Variants in TUSC3 observed in about 807,000 individuals in gnomAD.
TUSC3 encodes the protein dolichyl-diphosphooligosaccharide--protein glycosyltransferase subunit TUSC3.
TUSC3 carries 45 observed loss-of-function variants against 44.8 expected under a neutral mutation model. The observed-to-expected ratio is 1.00, with a 90% CI of 0.79 to 1.29. The LOEUF is 1.29. Among genes scored for constraint, TUSC3 ranks in the 50% most tolerant of loss-of-function variants. The pLI is 0.00. For missense variants in TUSC3, 519 were observed against 437.9 expected (o/e 1.19, Z -1.65); for synonymous variants, 212 against 152.9 (o/e 1.39, Z -2.85).
At chr8:15,698,795 C>T in intron 6 of TUSC3, among the ~76,000 whole-genome samples, 1 of 151,370 alleles carries the variant, frequency 6.6e-6, no homozygotes, top group East Asian at 1.9e-4. Flanking sequence ...CTCCAGTTTG[C>T]TTATCAATAA....
At chr8:15,427,075 G>GTTTTTTTTTTTTTTTTT (rs367932724) in intron 1 of TUSC3, among the ~76,000 whole-genome samples, 1 of 145,958 alleles carries the variant, frequency 6.9e-6, no homozygotes. Context: ...GTTGTTTGGT[G>GTTTTTTTTTTTTTTTTT]TTTGTTTTTT....
intron 5 of TUSC3, among the ~76,000 whole-genome samples, chr8:15,666,945 A>C (rs995087765): frequency 6.6e-6 from 1 of 151,468 alleles, no homozygotes; most frequent in Non-Finnish European, 1.5e-5. Flanking sequence ...AATTTTCTGT[A>C]GTAGGAGTAA....
Position 15,659,820 on chromosome 8 carries a change from T to C in TUSC3, c.567+173T>C, listed in dbSNP as rs148592138. On this transcript the variant is annotated intron_variant, in intron 4 of 10. Transcript: ENST00000503731. ...AGTTGGACTATTAGCTGAATTCAGA[T>C]GCTTTTTAAAATAGTGGTTCACTGA... is the stretch of plus-strand genomic sequence containing the variant. Among the ~76,000 whole-genome samples the C allele has an allele frequency of 3.8e-4, 58 of 152,274 alleles. No individual in the cohort carries two copies. The East Asian group carries it at 0.011, about 28-fold the overall frequency.
At chr8:15,441,088 A>G (rs1186888727) in intron 1 of TUSC3, among the ~76,000 whole-genome samples, 1 of 152,228 alleles carries the variant, frequency 6.6e-6, no homozygotes, top group East Asian at 1.9e-4. Context: ...TGCCCTAATA[A>G]TTAAATTAAT....
rs183237760 is a variant in TUSC3, at chr8:15,504,478, A to G, written n.189+20995A>G. Among the ~76,000 whole-genome samples the G allele has an allele frequency of 2.7e-3, 410 of 150,714 alleles. 4 individuals carry two copies. The highest frequency in any genetic ancestry group is 8.7e-3 in the African/African-American group (356 of 41,066). ...CATTAACATCAGTTCATTAAGAAAC[A>G]TATTTCTACTACTGCCATATTAGTT... On this transcript the variant is annotated intron_variant and non_coding_transcript_variant, in intron 2 of 5. Coordinates refer to the TUSC3 transcript ENST00000503191.
rs185588208 is a variant in TUSC3 at position 15,644,176 on chromosome 8, A to T, written c.309-6521A>T. On this transcript the variant is annotated intron_variant, in intron 2 of 10. Transcript: ENST00000503731. ...AAGATTGTAGCATTTAGATTAAGTG[A>T]TTTTTTTCCCCATAATAAAATATGG... 8.9e-4 allele frequency among the ~76,000 whole-genome samples: 136 copies of T among 152,202 alleles called. 1 individual carries two copies. Among genetic ancestry groups the T allele is most frequent in the Non-Finnish European group, 1.5e-3 (104 of 68,006 alleles).
At chr8:15,651,907 T>C (rs374148176) in intron 3 of TUSC3, among the ~76,000 whole-genome samples, 1 of 152,176 alleles carries the variant, frequency 6.6e-6, no homozygotes, top group African/African-American at 2.4e-5. Context: ...ACTGTTCAAC[T>C]TATGTATTAT....
Position 15,746,046 on chromosome 8 carries a change from A to G in TUSC3, c.938-2329A>G, listed in dbSNP as rs560754076. Among the ~76,000 whole-genome samples the G allele has an allele frequency of 6.8e-3, 1,032 of 152,042 alleles. 11 individuals carry two copies. The highest frequency in any genetic ancestry group is 0.024 in the African/African-American group (976 of 41,494). ...CTCTCCCCATTGCTTGTTTTTGTCA[A>G]CTTTGTTGAAGATCAGATGGTTGAG... On this transcript the variant is annotated intron_variant, in intron 8 of 10. Coordinates refer to ENST00000503731, the MANE Select transcript of TUSC3 (RefSeq NM_006765.4).
intron 1 of TUSC3, among the ~76,000 whole-genome samples, chr8:15,437,404 T>C (rs1176791714): frequency 6.6e-6 from 1 of 152,238 alleles, no homozygotes; most frequent in Non-Finnish European, 1.5e-5. Flanking sequence ...TAATTTTTTA[T>C]GGCTTATGTC....
chr8:15,628,744 A>G (rs1805629316), intron 2 of TUSC3, among the ~76,000 whole-genome samples: 1 of 152,178 alleles, frequency 6.6e-6, no homozygotes, highest in Non-Finnish European at 1.5e-5. Flanking sequence ...AAACTAGAAT[A>G]CCTACCTTCT....
chr8:15,447,318 T>C (rs1307954942), intron 1 of TUSC3, among the ~76,000 whole-genome samples: 22 of 152,130 alleles, frequency 1.4e-4, no homozygotes, highest in Non-Finnish European at 1.5e-5. Flanking sequence ...AATTAATTTA[T>C]ATGCATGTTA....
At chr8:15,485,363 T>G (rs6986292) in intron 2 of TUSC3, among the ~76,000 whole-genome samples, 1 of 152,170 alleles carries the variant, frequency 6.6e-6, no homozygotes, top group African/African-American at 2.4e-5. Flanking sequence ...TTATTGGCCA[T>G]TGACTATTTT....
At chr8:15,443,574 TC>T (rs2129118807) in intron 1 of TUSC3, among the ~76,000 whole-genome samples, 1 of 152,236 alleles carries the variant, frequency 6.6e-6, no homozygotes, top group Admixed American at 6.5e-5. Flanking sequence ...CTGTTCTTAT[TC>T]CTTCCTGGGT....
chr8:15,681,723 G>A (rs1808437829), intron 6 of TUSC3, among the ~76,000 whole-genome samples: 2 of 151,860 alleles, frequency 1.3e-5, no homozygotes, highest in Admixed American at 6.6e-5. Flanking sequence ...TTTTGGGCTA[G>A]TTTTTTCTTG....
chr8:15,832,858 G>A, the TUSC3 span, among the ~76,000 whole-genome samples: 5 of 152,050 alleles, frequency 3.3e-5, no homozygotes, highest in Non-Finnish European at 7.4e-5. Context: ...CCCAATGACA[G>A]TATTAGATAG....
At chr8:15,740,186 G>T (rs557293983) in intron 7 of TUSC3, among the ~76,000 whole-genome samples, 5 of 152,058 alleles carry the variant, frequency 3.3e-5, no homozygotes, top group Non-Finnish European at 5.9e-5. Flanking sequence ...AAATTACATG[G>T]CCATCCCAGG....
chr8:15,519,217 A>G (rs892803646), intron 2 of TUSC3, among the ~76,000 whole-genome samples: 1 of 152,184 alleles, frequency 6.6e-6, no homozygotes, highest in African/African-American at 2.4e-5. Context: ...TATTTGGCTA[A>G]TTTCAGGATA....
At chr8:15,614,090 C>T (rs1425019415) in intron 1 of TUSC3, among the ~76,000 whole-genome samples, 1 of 151,340 alleles carries the variant, frequency 6.6e-6, no homozygotes, top group Non-Finnish European at 1.5e-5. Flanking sequence ...TTTTTTTCTC[C>T]CCTAAAGACT....
At chr8:15,621,449 C>T (rs1192893703) in intron 1 of TUSC3, among the ~76,000 whole-genome samples, 1 of 149,324 alleles carries the variant, frequency 6.7e-6, no homozygotes, top group African/African-American at 2.4e-5. Flanking sequence ...GATAAGTTAT[C>T]ATTTTCAGTT....
Sources: allele counts gnomAD v4.1 joint callset (sites outside exome capture counted in the v4.1 genomes callset), GRCh38; gene constraint gnomAD v4.1.1; transcripts MANE v1.5; gene names NCBI Gene and HGNC (gene_info 2026-07-23, HGNC 2026-07-21).